KYNU: variants seen among roughly 807,000 people sequenced by gnomAD.
The protein encoded by KYNU is kynureninase.
KYNU carries 54 observed loss-of-function variants against 59.2 expected under a neutral mutation model. The observed-to-expected ratio is 0.91, with a 90% CI of 0.73 to 1.14. The LOEUF (loss-of-function observed/expected upper bound fraction) is 1.14, where lower values mean the gene tolerates loss of function less well. Among genes scored for constraint, KYNU ranks in the 50% most tolerant of loss-of-function variants. KYNU has a pLI of 0.00. For missense variants in KYNU, 567 were observed against 554.4 expected, an observed-to-expected ratio of 1.02 and a Z score of -0.23; for synonymous variants, 177 against 192.0, an observed-to-expected ratio of 0.92 and a Z score of 0.65.
At chr2:142,977,372 GAT>G (rs70997538) in intron 8 of KYNU, among the ~76,000 whole-genome samples, 2 of 131,120 alleles carry the variant, frequency 1.5e-5, no homozygotes, top group African/African-American at 2.9e-5. Context: ...ATTTTGTGTG[GAT>G]ATATATATAT....
At position 143,042,457 on chromosome 2, in the gene KYNU, T is replaced by G; in HGVS notation, c.*285T>G. On this transcript the variant is annotated 3_prime_UTR_variant, in exon 14 of 14. Transcript: ENST00000264170. ...GTCACATTTCATGGTCATTGAAATG[T>G]TTTATGTTGGTTTAATTTCTGATTT... 4.3e-6 allele frequency: 1 copy of G among 235,264 alleles called. No individual in the cohort carries two copies. Among genetic ancestry groups the G allele is most frequent in the South Asian group, 7.4e-5 (1 of 13,576 alleles). The allele number at this position is 235,264 out of a possible 1,614,324, so 14.6% of individuals were successfully genotyped here.
rs1030608648 is a variant in KYNU, at chr2:142,908,811, T to A, written c.170-9798T>A. ...CACCACGCCTGGCTAATTTTTTGTA[T>A]TTTTAGTAGAGACAGGGTTTCACTG... On this transcript the variant is annotated intron_variant, in intron 2 of 13. Transcript: ENST00000264170. Among the ~76,000 whole-genome samples, 4 of 152,242 alleles carry A rather than the reference T, an allele frequency of 2.6e-5. No homozygotes were observed. In the South Asian group the frequency reaches 6.2e-4, roughly 24 times the overall value.
rs1687302399 is a variant in KYNU, at chr2:143,053,500, G to T, written c.*11328G>T. The T allele has an allele frequency of 6.6e-6, 1 of 152,218 alleles. No homozygotes were observed. The allele number at this position is 152,218 out of a possible 1,614,324, so 9.4% of individuals were successfully genotyped here. A position where few individuals can be genotyped will look rare whatever the true frequency, so the allele number is the denominator to read the frequency against. On this transcript the variant is annotated 3_prime_UTR_variant, in exon 14 of 14. Coordinates refer to ENST00000264170, the MANE Select transcript of KYNU (RefSeq NM_003937.3). ...ATGATATGGTTTGACTTTGTCCGCA[G>T]TCAAATCTCATCTTGAATTTCTATG...
intron 4 of KYNU, among the ~76,000 whole-genome samples, chr2:142,946,227 G>A (rs1184072014): frequency 1.3e-5 from 2 of 151,794 alleles, no homozygotes; most frequent in Non-Finnish European, 1.5e-5. Context: ...GGGACCACAG[G>A]TACAAGCGAC....
At chr2:142,908,814 T>G (rs1682384358) in intron 2 of KYNU, among the ~76,000 whole-genome samples, 1 of 152,142 alleles carries the variant, frequency 6.6e-6, no homozygotes. Flanking sequence ...TTTTGTATTT[T>G]TAGTAGAGAC....
chr2:142,960,945 C>G (rs983726504), intron 8 of KYNU, among the ~76,000 whole-genome samples, 175 bp downstream of exon 8: 1 of 151,276 alleles, frequency 6.6e-6, no homozygotes, highest in Non-Finnish European at 1.5e-5. Flanking sequence ...CCTGTAATCC[C>G]AGCACTTGGG....
chr2:142,957,605 G>A (rs369671209), intron 6 of KYNU, 36 bp from the exon 7 acceptor site: 1 of 1,275,066 alleles, frequency 7.8e-7, no homozygotes, highest in Non-Finnish European at 1.1e-6. Context: ...TGTGCTCTCA[G>A]CTTGATTTGA....
intron 4 of KYNU, among the ~76,000 whole-genome samples, chr2:142,944,384 T>C (rs1161839658): frequency 6.6e-6 from 1 of 152,156 alleles, no homozygotes; most frequent in Non-Finnish European, 1.5e-5. Context: ...AATATGATGT[T>C]CAATAAATAA....
chr2:142,902,911 T>C (rs781543995), intron 2 of KYNU, among the ~76,000 whole-genome samples: 7 of 152,046 alleles, frequency 4.6e-5, no homozygotes, highest in African/African-American at 1.7e-4. Context: ...TAAAGGCAAA[T>C]AAGAATTGAG....
intron 4 of KYNU, chr2:142,947,363 T>C: frequency 2.4e-6 from 2 of 819,990 alleles, no homozygotes; most frequent in Non-Finnish European, 3.7e-6. Flanking sequence ...TCAAGCTTAC[T>C]GTACTGTGTC....
At chr2:142,963,918 A>C (rs62169907) in intron 8 of KYNU, among the ~76,000 whole-genome samples, 39,831 of 152,078 alleles carry the variant, frequency 0.26, 6,549 homozygotes, top group South Asian at 0.43. Context: ...AAATCTGGAA[A>C]TCTCAAGTGC....
At chr2:142,988,895 CA>C in intron 10 of KYNU, 1 of 1,605,902 alleles carries the variant, frequency 6.2e-7, no homozygotes, top group Non-Finnish European at 8.5e-7. Flanking sequence ...TTGGACAAGT[CA>C]AGGACAAGGT....
chr2:143,040,677 G>A lies in KYNU; in HGVS notation c.1272+19G>A. ...AGTGGTTGTAAGTATGTCTTGCTTTGCTACCAGATTTTGTCTATGGGCCGC... is the reference window on the plus strand; with the variant it reads ...AGTGGTTGTAAGTATGTCTTGCTTTACTACCAGATTTTGTCTATGGGCCGC... On this transcript the variant is annotated intron_variant, in intron 13 of 13. Coordinates refer to ENST00000264170, the MANE Select transcript of KYNU (RefSeq NM_003937.3). 2.6e-6 allele frequency: 4 copies of A among 1,536,530 alleles called. No individual in the cohort carries two copies. The highest frequency in any genetic ancestry group is 2.7e-6 in the Non-Finnish European group (3 of 1,121,888).
At chr2:142,892,581 G>A (rs901205422) in intron 2 of KYNU, among the ~76,000 whole-genome samples, 3 of 152,142 alleles carry the variant, frequency 2.0e-5, no homozygotes, top group Non-Finnish European at 4.4e-5. Flanking sequence ...GAGTGCGTGT[G>A]GGTACCTAAC....
Position 142,981,638 on chromosome 2 carries a change from G to C in KYNU, c.730-3446G>C, listed in dbSNP as rs189033379. 2.8e-3 allele frequency among the ~76,000 whole-genome samples: 428 copies of C among 151,934 alleles called. 5 individuals carry two copies. Among genetic ancestry groups the C allele is most frequent in the Non-Finnish European group, 5.0e-3 (341 of 67,906 alleles). ...AGCACTTGTCTTATTTTCATGGTACGTATTGCTCATTTTCTTTGGTGAGGA... is the reference window on the plus strand; with the variant it reads ...AGCACTTGTCTTATTTTCATGGTACCTATTGCTCATTTTCTTTGGTGAGGA... On this transcript the variant is annotated intron_variant, in intron 8 of 13. Coordinates refer to ENST00000264170, the MANE Select transcript of KYNU (RefSeq NM_003937.3).
intron 2 of KYNU, among the ~76,000 whole-genome samples, chr2:142,907,497 A>G (rs1022286257): frequency 1.1e-4 from 16 of 152,310 alleles, no homozygotes; most frequent in Non-Finnish European, 7.4e-5. Flanking sequence ...CGGGTCTGCA[A>G]TGGTGGCAAA....
intron 10 of KYNU, among the ~76,000 whole-genome samples, chr2:143,002,610 A>T (rs561127946): frequency 1.3e-5 from 2 of 152,376 alleles, no homozygotes; most frequent in African/African-American, 4.8e-5. Flanking sequence ...TGAATGCACA[A>T]AAAATGAAAG....
chr2:142,974,264 G>T (rs1375586530), intron 8 of KYNU, among the ~76,000 whole-genome samples: 4 of 152,198 alleles, frequency 2.6e-5, no homozygotes, highest in African/African-American at 4.8e-5. Context: ...GGGGAAAGAG[G>T]AAGGGTATGG....
chr2:142,984,781 C>T (rs911311537), intron 8 of KYNU, among the ~76,000 whole-genome samples: 7 of 151,952 alleles, frequency 4.6e-5, no homozygotes, highest in Non-Finnish European at 8.8e-5. Context: ...AGTTCGGTAC[C>T]GCTGCCTTGG....
Sources: allele counts gnomAD v4.1 joint callset (sites outside exome capture counted in the v4.1 genomes callset), GRCh38; gene constraint gnomAD v4.1.1; transcripts MANE v1.5; gene names NCBI Gene and HGNC (gene_info 2026-07-23, HGNC 2026-07-21).